ZNF782: variants seen among roughly 807,000 people sequenced by gnomAD.
ZNF782 encodes the protein zinc finger protein 782.
ZNF782 carries 12 observed loss-of-function variants against 13.0 expected under a neutral mutation model. That is an observed-to-expected ratio of 0.92 (90% CI 0.59 to 1.50). The LOEUF is 1.50. Ranked by LOEUF, ZNF782 falls within the 40% of genes most tolerant of loss-of-function variation. The pLI is 0.00. For missense variants in ZNF782, 770 were observed against 822.9 expected (o/e 0.94, Z 0.79); for synonymous variants, 284 against 283.0 (o/e 1.00, Z -0.04).
chr9:96,871,226 A>T (rs1677187134), intron 1 of ZNF782, among the ~76,000 whole-genome samples: 1 of 152,204 alleles, frequency 6.6e-6, no homozygotes, highest in Non-Finnish European at 1.5e-5. Flanking sequence ...GCACTGAAGC[A>T]TACATATGCA....
At chr9:96,915,468 CA>C in the ZNF782 span, among the ~76,000 whole-genome samples, 1 of 150,216 alleles carries the variant, frequency 6.7e-6, no homozygotes, top group African/African-American at 2.5e-5. Context: ...CACCTGAGGT[CA>C]AGAGTTCGAG....
chr9:96,911,499 G>GTTTTTTTGT, the ZNF782 span, among the ~76,000 whole-genome samples: 3 of 133,718 alleles, frequency 2.2e-5, no homozygotes, highest in Non-Finnish European at 3.2e-5. Context: ...TTTCTTACAA[G>GTTTTTTTGT]TTTTTTTTTT....
the ZNF782 span, among the ~76,000 whole-genome samples, chr9:96,915,279 C>T: frequency 6.6e-6 from 1 of 152,076 alleles, no homozygotes; most frequent in Non-Finnish European, 1.5e-5. Flanking sequence ...CAAATCGTGC[C>T]TGCTCTTTGT....
chr9:96,930,844 G>A, the ZNF782 span, among the ~76,000 whole-genome samples: 4 of 146,708 alleles, frequency 2.7e-5, no homozygotes, highest in East Asian at 2.1e-4. Context: ...TTCCTAGGGC[G>A]CTGGCTTGGG....
the ZNF782 span, among the ~76,000 whole-genome samples, chr9:96,917,889 T>TGC: frequency 5.5e-4 from 68 of 123,986 alleles, 1 homozygote; most frequent in South Asian, 1.8e-3. Context: ...ACCCTTGGCG[T>TGC]GTGTGTGTGT....
At chr9:96,885,186 G>T in the ZNF782 span, among the ~76,000 whole-genome samples, 1 of 151,988 alleles carries the variant, frequency 6.6e-6, no homozygotes, top group Admixed American at 6.6e-5. Flanking sequence ...AGAGAAATCA[G>T]ATAGAGTATT....
In ZNF782 at chr9:96,846,635, A is replaced by G. The variant is rs564177266; in HGVS notation, c.16-1619T>C. On this transcript the variant is annotated intron_variant, in intron 3 of 5. Coordinates refer to ENST00000481138, the MANE Select transcript of ZNF782 (RefSeq NM_001001662.3). Reference sequence around the variant, plus strand: ...TGATGATAAAAGGATCAATCCAACAAGAAGATATTACAATCCCAAATTTAT... The same window carrying G: ...TGATGATAAAAGGATCAATCCAACAGGAAGATATTACAATCCCAAATTTAT... Among the ~76,000 whole-genome samples, 3 of 152,306 alleles carry G rather than the reference A, an allele frequency of 2.0e-5. No homozygotes were observed. The South Asian group carries it at 6.2e-4, about 32-fold the overall frequency.
upstream of ZNF782, among the ~76,000 whole-genome samples, chr9:96,876,692 C>T (rs1049563062): frequency 6.6e-6 from 1 of 152,072 alleles, no homozygotes. Flanking sequence ...CCAAAAAATA[C>T]GCACAACGCA....
chr9:96,883,111 G>A, the ZNF782 span, among the ~76,000 whole-genome samples: 8 of 152,100 alleles, frequency 5.3e-5, no homozygotes, highest in Non-Finnish European at 1.2e-4. Context: ...ATTAAAAAAA[G>A]GAAAGACAAA....
chr9:96,818,846 G>A lies in ZNF782; in HGVS notation c.1177C>T (p.Pro393Ser). 6.2e-7 allele frequency: 1 copy of A among 1,614,138 alleles called. No homozygotes were observed. The highest frequency in any genetic ancestry group is 1.1e-5 in the South Asian group (1 of 91,078). Residue 393 changes from proline to serine, a missense_variant, in exon 6 of 6, where the codon CCC (proline) becomes TCC (serine). Pro to Ser is a moderately conservative substitution (Grantham distance 74). Transcript: ENST00000481138. ...WPQKSHTGEK[P>S]YECPECGKAF... ...TTCCCGCACTCAGGACATTCATAGG[G>A]TTTCTCCCCTGTGTGACTTTTCTGA...
chr9:96,924,673 G>A, the ZNF782 span, among the ~76,000 whole-genome samples: 2 of 151,026 alleles, frequency 1.3e-5, no homozygotes, highest in Admixed American at 6.6e-5. Flanking sequence ...CAATGAGGTC[G>A]TCCGTGAGAA....
intron 4 of ZNF782, among the ~76,000 whole-genome samples, chr9:96,839,535 C>T (rs1418309317): frequency 6.6e-6 from 1 of 152,092 alleles, no homozygotes; most frequent in East Asian, 1.9e-4. Context: ...AAAACTTTCA[C>T]ATTTAAGAAC....
chr9:96,884,575 G>A, the ZNF782 span, among the ~76,000 whole-genome samples: 11 of 151,994 alleles, frequency 7.2e-5, no homozygotes, highest in Admixed American at 3.9e-4. Flanking sequence ...CAACCCCGAA[G>A]GCAGTGGAGC....
the ZNF782 span, among the ~76,000 whole-genome samples, chr9:96,913,400 GA>G: frequency 6.6e-6 from 1 of 151,970 alleles, no homozygotes; most frequent in African/African-American, 2.4e-5. Flanking sequence ...GAATGCAAAA[GA>G]AGGCCCAAAT....
At chr9:96,884,170 G>A in the ZNF782 span, among the ~76,000 whole-genome samples, 1 of 152,208 alleles carries the variant, frequency 6.6e-6, no homozygotes, top group Admixed American at 6.5e-5. Flanking sequence ...AGAAGTGGGT[G>A]GCAGGAGGAG....
At chr9:96,913,566 C>G in the ZNF782 span, among the ~76,000 whole-genome samples, 2 of 150,852 alleles carry the variant, frequency 1.3e-5, no homozygotes, top group African/African-American at 4.9e-5. Context: ...TGATGATGCC[C>G]AAGCTGGAGT....
the ZNF782 span, among the ~76,000 whole-genome samples, chr9:96,927,468 A>G: frequency 6.6e-6 from 1 of 151,950 alleles, no homozygotes; most frequent in Non-Finnish European, 1.5e-5. Context: ...CTTTCATCAA[A>G]TCAGCCTGCT....
At chr9:96,861,877 G>A (rs1384730214) in intron 1 of ZNF782, among the ~76,000 whole-genome samples, 1 of 152,120 alleles carries the variant, frequency 6.6e-6, no homozygotes, top group Non-Finnish European at 1.5e-5. Flanking sequence ...TAAAAATAGA[G>A]CTACCATATG....
rs75850786 is a variant in ZNF782 at position 96,831,977 on chromosome 9, A to G, written c.143-4796T>C. Among the ~76,000 whole-genome samples the G allele has an allele frequency of 9.2e-3, 1,405 of 152,220 alleles. 52 individuals carry two copies. In the East Asian group the frequency reaches 0.1, roughly 11 times the overall value. On this transcript the variant is annotated intron_variant, in intron 4 of 5. Transcript: ENST00000481138. ...TCTTTCAATCTGTCTTTTAATTAGT[A>G]TATTTAGACCATTTAACGTAATTTT...
Sources: allele counts gnomAD v4.1 joint callset (sites outside exome capture counted in the v4.1 genomes callset), GRCh38; gene constraint gnomAD v4.1.1; transcripts MANE v1.5; gene names NCBI Gene and HGNC (gene_info 2026-07-23, HGNC 2026-07-21).